The following FERMT3 variants were observed in gnomAD, a reference collection of about 807,000 sequenced individuals.
The protein encoded by FERMT3 is FERM domain containing kindlin 3, also known as fermitin family homolog 3.
FERMT3 carries 33 observed loss-of-function variants against 80.8 expected under a neutral mutation model. That is an observed-to-expected ratio of 0.41 (90% CI 0.31 to 0.55). The LOEUF is 0.55. Among genes scored for constraint, FERMT3 ranks in the 20% least tolerant of loss-of-function variants. The pLI, the probability that FERMT3 is intolerant of heterozygous loss-of-function variation, is 0.31. For missense variants in FERMT3, 754 were observed against 908.7 expected, an observed-to-expected ratio of 0.83 and a Z score of 2.19; for synonymous variants, 375 against 372.2, an observed-to-expected ratio of 1.01 and a Z score of -0.09.
At chr11:64,216,795 CAAAAA>C (rs756054156) in intron 6 of FERMT3, among the ~76,000 whole-genome samples, 2 of 35,178 alleles carry the variant, frequency 5.7e-5, no homozygotes, top group African/African-American at 1.0e-4. Flanking sequence ...GACTCCATCT[CAAAAA>C]AAAAAAAAAA....
intron 1 of FERMT3, among the ~76,000 whole-genome samples, 168 bp from the exon 2 acceptor site, chr11:64,207,181 GGA>G (rs961729768): frequency 5.4e-4 from 83 of 152,316 alleles, no homozygotes; most frequent in Admixed American, 1.8e-3. Context: ...CGCCAGCGCT[GGA>G]GAGAGAGTCT....
intron 14 of FERMT3, 32 bp from the exon 15 acceptor site, chr11:64,223,281 A>T (rs760879736): frequency 1.5e-5 from 24 of 1,613,196 alleles, no homozygotes; most frequent in Non-Finnish European, 1.7e-5. Context: ...CCCTTATCCC[A>T]CCCACCATTT....
intron 11 of FERMT3, 42 bp from the exon 12 acceptor site, chr11:64,220,394 T>C: frequency 6.2e-7 from 1 of 1,608,776 alleles, no homozygotes; most frequent in Non-Finnish European, 8.5e-7. Flanking sequence ...CTGAGGAGCA[T>C]CAAGCTTGGT....
rs182351045 is a variant in FERMT3 at position 64,207,480 on chromosome 11, A to C, written c.116A>C (p.Glu39Ala). ...AESVTLRVTG[E>A]SHIGGVLLKI... ...TCGGTCACCCTGCGGGTCACTGGGG[A>C]GTCGCACATCGGCGGGGTGCTCCTG... Residue 39 changes from glutamate (E) to alanine (A), a missense_variant, in exon 2 of 15, where the codon GAG (glutamate) becomes GCG (alanine). Physicochemically the swap from Glu to Ala is moderately radical, Grantham distance 107. Transcript: ENST00000345728. 1.2e-6 allele frequency: 2 copies of C among 1,613,828 alleles called. No individual in the cohort carries two copies. The highest frequency in any genetic ancestry group is 2.7e-5 in the African/African-American group (2 of 74,984).
chr11:64,220,842 T>G (rs964475289), intron 12 of FERMT3, 173 bp downstream of exon 12: 8 of 1,348,850 alleles, frequency 5.9e-6, no homozygotes, highest in Non-Finnish European at 8.3e-6. Context: ...ACGGTCCAGG[T>G]GCCCATGTCC....
rs1043269233 is a variant in FERMT3, at chr11:64,210,068, G to A, written c.161-543G>A. ...GTTCCGTGTCCCAGTTTGTAAGATC[G>A]TTATTGTATCTTACAGGGAAACTGA... On this transcript the variant is annotated intron_variant, in intron 2 of 14. Coordinates refer to ENST00000345728, the MANE Select transcript of FERMT3 (RefSeq NM_031471.6). This position sits in a 1 kb window ranked among gnomAD's most constrained non-coding sequence, Gnocchi z 4.3. 8.5e-5 allele frequency among the ~76,000 whole-genome samples: 13 copies of A among 152,180 alleles called. No individual in the cohort carries two copies. The highest frequency in any genetic ancestry group is 2.1e-4 in the South Asian group (1 of 4,836).
chr11:64,209,519 G>A (rs1946390493), intron 2 of FERMT3, among the ~76,000 whole-genome samples: 1 of 152,196 alleles, frequency 6.6e-6, no homozygotes, highest in South Asian at 2.1e-4. Context: ...GGTCAGGAGA[G>A]GGACCGGAGA....
intron 2 of FERMT3, among the ~76,000 whole-genome samples, chr11:64,208,705 G>A (rs902664134): frequency 6.6e-6 from 1 of 152,236 alleles, no homozygotes; most frequent in Non-Finnish European, 1.5e-5. Context: ...AGTCCTGAGA[G>A]GTGGCCTCAG....
In FERMT3 at chr11:64,220,687, G is replaced by A; in HGVS notation, c.1545+18G>A. On this transcript the variant is annotated intron_variant, in intron 12 of 14. Transcript: ENST00000345728. ...CCAAGCAGGTACCAGAAGGCGTCAG[G>A]GTGGGAATGAGCATAGTGTTTACCC... The A allele has an allele frequency of 6.3e-7, 1 of 1,597,464 alleles. No individual in the cohort carries two copies. Among genetic ancestry groups the A allele is most frequent in the Non-Finnish European group, 8.5e-7 (1 of 1,170,360 alleles).
chr11:64,223,043 G>A lies in FERMT3; in HGVS notation c.1671-5G>A, dbSNP rs756716338. ...CCTGGCTCACTCTCTCTCCCTGGGG[G>A]CCAGGTTCAAGGGCAGCAGGAAAGA... is the stretch of plus-strand genomic sequence containing the variant. On this transcript the variant is annotated splice_region_variant and splice_polypyrimidine_tract_variant and intron_variant, in intron 13 of 14. Transcript: ENST00000345728. The A allele has an allele frequency of 1.2e-6, 2 of 1,613,424 alleles. No homozygotes were observed. The highest frequency in any genetic ancestry group is 1.7e-6 in the Non-Finnish European group (2 of 1,180,022).
At chr11:64,212,750 G>C (rs1946470910) in intron 6 of FERMT3, among the ~76,000 whole-genome samples, 2 of 151,724 alleles carry the variant, frequency 1.3e-5, no homozygotes, top group Non-Finnish European at 2.9e-5. Flanking sequence ...TCTGCCCCAG[G>C]CTCTGCTCTG....
intron 2 of FERMT3, among the ~76,000 whole-genome samples, chr11:64,209,652 G>A (rs974276040): frequency 1.2e-4 from 18 of 152,214 alleles, no homozygotes; most frequent in African/African-American, 4.3e-4. Context: ...AGTGCCGGAG[G>A]ACGAGCGCTT....
chr11:64,209,706 T>G (rs1946394868), intron 2 of FERMT3, among the ~76,000 whole-genome samples: 1 of 151,728 alleles, frequency 6.6e-6, no homozygotes, highest in African/African-American at 2.4e-5. Flanking sequence ...TGTGCAGCAG[T>G]GGGGTTGGGG....
chr11:64,217,325 G>A (rs552346989), intron 6 of FERMT3, among the ~76,000 whole-genome samples: 77 of 152,312 alleles, frequency 5.1e-4, no homozygotes, highest in Non-Finnish European at 2.9e-4. Context: ...CAAGGCAGGT[G>A]GATCACCTGA....
rs2134906387 is a variant in FERMT3 at position 64,223,404 on chromosome 11, T to A, written c.1904T>A (p.Ile635Asn). The change falls in exon 15 of 15, where the codon ATT (isoleucine) becomes AAT (asparagine). Residue 635 changes from isoleucine (I) to asparagine (N), a missense_variant. By Grantham distance (149) the Ile-to-Asn change is moderately radical. Coordinates refer to ENST00000345728, the MANE Select transcript of FERMT3 (RefSeq NM_031471.6). ...RIVHEYIGGY[I>N]FLSTRERARG... ...GTACACGAGTATATCGGGGGCTACA[T>A]TTTCCTGTCGACGCGGGAGCGGGCC... 6.2e-7 allele frequency: 1 copy of A among 1,613,798 alleles called. No individual in the cohort carries two copies. The highest frequency in any genetic ancestry group is 8.5e-7 in the Non-Finnish European group (1 of 1,180,016).
At chr11:64,222,984 T>G in intron 13 of FERMT3, 64 bp from the exon 14 acceptor site, 1 of 1,604,230 alleles carries the variant, frequency 6.2e-7, no homozygotes, top group South Asian at 1.1e-5. Context: ...GGCGCCACAT[T>G]GTCTGGGCGG....
rs1354176121 is a variant in FERMT3, at chr11:64,219,779, C to T, written c.1069C>T (p.Arg357Ter). Residue 357 changes from arginine (R) to a stop codon, truncating the protein, a stop_gained, in exon 9 of 15, where the codon CGA (arginine) becomes TGA (stop). Coordinates refer to ENST00000345728, the MANE Select transcript of FERMT3 (RefSeq NM_031471.6). LOFTEE classifies it high-confidence loss of function. The surrounding 1 kb of genome is among the most constrained non-coding windows in gnomAD (Gnocchi z 4.0). ...CATCCCAGAGCTCAAGGACCATCTC[C>T]GAATCTTTCGGTGAGTTGGGGGCCA... ...TTIPELKDHL[R>*]IFRPRKLTLK... 3 of 1,614,046 alleles carry T rather than the reference C, an allele frequency of 1.9e-6. No individual in the cohort carries two copies. Among genetic ancestry groups the T allele is most frequent in the South Asian group, 1.1e-5 (1 of 91,082 alleles).
At chr11:64,213,710 C>T (rs547430657) in intron 6 of FERMT3, among the ~76,000 whole-genome samples, 2 of 150,766 alleles carry the variant, frequency 1.3e-5, no homozygotes, top group East Asian at 3.9e-4. Flanking sequence ...GGCGTTGAGC[C>T]ACCATGCCCA....
rs1416344449 is a variant in FERMT3 at position 64,220,100 on chromosome 11, C to A, written c.1204+85C>A. 5.7e-6 allele frequency: 9 copies of A among 1,586,150 alleles called. No homozygotes were observed. The African/African-American group carries it at 1.2e-4, about 21-fold the overall frequency. ...AATGCTCTCACCGGCCCTGTTTCCT[C>A]CTGGAGACCGGGGAAGATGCCCTCT... On this transcript the variant is annotated intron_variant, in intron 10 of 14. Transcript: ENST00000345728.
Sources: allele counts gnomAD v4.1 joint callset (sites outside exome capture counted in the v4.1 genomes callset), GRCh38; gene constraint gnomAD v4.1.1; non-coding constraint Gnocchi (gnomAD v3.1); transcripts MANE v1.5; gene names NCBI Gene and HGNC (gene_info 2026-07-23, HGNC 2026-07-21).